The following CDH18 variants were observed in gnomAD, a reference collection of about 807,000 sequenced individuals.
CDH18 encodes cadherin 18.
Under a neutral mutation model 67.9 loss-of-function variants are expected in CDH18, and 31 were observed. The observed-to-expected ratio is 0.46, with a 90% CI of 0.34 to 0.62. The LOEUF (loss-of-function observed/expected upper bound fraction) is 0.62. Among genes scored for constraint, CDH18 ranks in the 20% least tolerant of loss-of-function variants. The pLI is 0.01. For synonymous variants in CDH18, 362 were observed against 347.2 expected (o/e 1.04, Z -0.48); for missense variants, 890 against 975.5 (o/e 0.91, Z 1.17).
chr5:19,674,993 G>A (rs1368873225), intron 5 of CDH18, among the ~76,000 whole-genome samples: 1 of 152,126 alleles, frequency 6.6e-6, no homozygotes, highest in African/African-American at 2.4e-5. Context: ...CAGCCTGTCT[G>A]AGAAATAAAG....
intron 8 of CDH18, among the ~76,000 whole-genome samples, chr5:19,555,526 T>A (rs1253952731): frequency 1.3e-5 from 2 of 152,088 alleles, no homozygotes; most frequent in Non-Finnish European, 2.9e-5. Flanking sequence ...CCTGGTGAGC[T>A]ATGTGATGCA....
chr5:20,285,380 C>CATATAATATAATATAATATA (rs55913504), intron 1 of CDH18, among the ~76,000 whole-genome samples: 9 of 140,378 alleles, frequency 6.4e-5, no homozygotes, highest in South Asian at 2.3e-4. Flanking sequence ...GTAATATGGC[C>CATATAATATAATATAATATA]ATATAATATA....
At chr5:20,409,329 A>G (rs1299193808) in intron 1 of CDH18, among the ~76,000 whole-genome samples, 1 of 151,846 alleles carries the variant, frequency 6.6e-6, no homozygotes, top group African/African-American at 2.4e-5. Flanking sequence ...TATTTTGACA[A>G]CCACAGTGGG....
chr5:19,498,815 C>T (rs1306651000), intron 11 of CDH18, among the ~76,000 whole-genome samples: 1 of 152,170 alleles, frequency 6.6e-6, no homozygotes, highest in Non-Finnish European at 1.5e-5. Context: ...AAACTTCTTG[C>T]CTATAAATTT....
At chr5:19,520,562 C>T in intron 10 of CDH18, 95 bp downstream of exon 10, 3 of 1,067,116 alleles carry the variant, frequency 2.8e-6, no homozygotes, top group Non-Finnish European at 3.9e-6. Context: ...CAAAATTACA[C>T]TGTGGGCTTT....
chr5:20,232,664 A>G (rs1316894836), intron 2 of CDH18, among the ~76,000 whole-genome samples: 1 of 152,138 alleles, frequency 6.6e-6, no homozygotes, highest in Non-Finnish European at 1.5e-5. Flanking sequence ...AGACAAAGAC[A>G]TGCCACATTG....
Position 19,612,423 on chromosome 5 carries a change from C to T in CDH18, c.811+11G>A. The stretch of plus-strand genomic sequence containing the variant: ...AATGATAAATTCAAATCATGGAAAA[C>T]AAATACGTACTTTGAGGAAAGCGTG... On this transcript the variant is annotated intron_variant, in intron 6 of 12. Transcript: ENST00000382275. The T allele has an allele frequency of 6.2e-7, 1 of 1,612,682 alleles. No individual in the cohort carries two copies. The highest frequency in any genetic ancestry group is 2.2e-5 in the East Asian group (1 of 44,836).
intron 2 of CDH18, among the ~76,000 whole-genome samples, chr5:20,195,329 G>A (rs1036662572): frequency 1.3e-5 from 2 of 151,708 alleles, no homozygotes; most frequent in Admixed American, 1.3e-4. Context: ...ATATTTATTT[G>A]CATTATGTCT....
chr5:20,228,043 G>A (rs1741774567), intron 2 of CDH18, among the ~76,000 whole-genome samples: 1 of 152,028 alleles, frequency 6.6e-6, no homozygotes, highest in South Asian at 2.1e-4. Context: ...ATCTACATGT[G>A]TTTCTTTACT....
intron 5 of CDH18, among the ~76,000 whole-genome samples, chr5:19,698,763 A>G (rs145938305): frequency 6.6e-6 from 1 of 152,234 alleles, no homozygotes; most frequent in African/African-American, 2.4e-5. Flanking sequence ...AGAGAGAAAG[A>G]AAGAGATATT....
chr5:20,089,182 C>G (rs1185609019), intron 2 of CDH18, among the ~76,000 whole-genome samples: 5 of 152,146 alleles, frequency 3.3e-5, no homozygotes, highest in Admixed American at 6.5e-5. Context: ...AAATATTATA[C>G]TTAATTACAA....
At chr5:19,763,373 G>C (rs926515741) in intron 3 of CDH18, among the ~76,000 whole-genome samples, 1 of 152,258 alleles carries the variant, frequency 6.6e-6, no homozygotes, top group African/African-American at 2.4e-5. Flanking sequence ...ACAAACAAAG[G>C]CTTCTCAAAG....
intron 9 of CDH18, among the ~76,000 whole-genome samples, chr5:19,528,061 T>G (rs555132291): frequency 6.6e-6 from 1 of 151,878 alleles, no homozygotes; most frequent in Non-Finnish European, 1.5e-5. Context: ...AGAAATTGTA[T>G]TGATTATAAA....
At chr5:19,805,236 C>T (rs974420261) in intron 3 of CDH18, among the ~76,000 whole-genome samples, 2 of 152,102 alleles carry the variant, frequency 1.3e-5, no homozygotes, top group African/African-American at 4.8e-5. Flanking sequence ...ACATGAGCCA[C>T]CATTTCTAGC....
At chr5:19,990,065 C>CT, upstream of CDH18, among the ~76,000 whole-genome samples, 2 of 152,086 alleles carry the variant, frequency 1.3e-5, 1 homozygote, top group Non-Finnish European at 2.9e-5. Context: ...TGTCCAGACA[C>CT]AAATTCTTAA....
At chr5:20,558,576 T>C (rs932784500) in intron 1 of CDH18, among the ~76,000 whole-genome samples, 2 of 152,016 alleles carry the variant, frequency 1.3e-5, no homozygotes, top group Non-Finnish European at 2.9e-5. Context: ...GCTGAAACCA[T>C]AGACAGGATT....
chr5:20,348,723 A>G (rs1740910117), intron 1 of CDH18, among the ~76,000 whole-genome samples: 1 of 152,132 alleles, frequency 6.6e-6, no homozygotes, highest in African/African-American at 2.4e-5. Context: ...TACACATAAG[A>G]TGGGATGAGG....
intron 3 of CDH18, among the ~76,000 whole-genome samples, chr5:19,826,677 A>C (rs1166296912): frequency 1.3e-5 from 2 of 152,192 alleles, no homozygotes; most frequent in East Asian, 3.9e-4. Context: ...TCAGACAAGC[A>C]AATGCTAAGA....
At chr5:19,925,594 T>C (rs1002944897) in intron 2 of CDH18, among the ~76,000 whole-genome samples, 2 of 152,058 alleles carry the variant, frequency 1.3e-5, no homozygotes, top group Non-Finnish European at 2.9e-5. Flanking sequence ...GTTCAAGCGA[T>C]TCTCTGCCTC....
Sources: allele counts gnomAD v4.1 joint callset (sites outside exome capture counted in the v4.1 genomes callset), GRCh38; gene constraint gnomAD v4.1.1; transcripts MANE v1.5; gene names NCBI Gene and HGNC (gene_info 2026-07-23, HGNC 2026-07-21).